PCNX2: variants seen among roughly 807,000 people sequenced by gnomAD.
PCNX2 encodes pecanex-like protein 2.
Under a neutral mutation model 223.8 loss-of-function variants are expected in PCNX2, and 168 were observed. The observed-to-expected ratio is 0.75, with a 90% confidence interval of 0.66 to 0.85. The LOEUF is 0.85. Among genes scored for constraint, PCNX2 ranks in the 40% least tolerant of loss-of-function variants. The pLI is 0.00. For missense variants in PCNX2, 2,507 were observed against 2,675.5 expected (o/e 0.94, Z 1.39); for synonymous variants, 1,006 against 1,052.6 (o/e 0.96, Z 0.86).
At position 233,167,926 on chromosome 1, in the gene PCNX2, G is replaced by T. The variant is rs575242190; in HGVS notation, c.3274-6563C>A. On this transcript the variant is annotated intron_variant, in intron 17 of 33. Coordinates refer to ENST00000258229, the MANE Select transcript of PCNX2 (RefSeq NM_014801.4). ...TTTTCAGGTAGGTATATTTTATTTTGATCTTAGTTTTGTAATATAAAAAGA... is the reference window on the plus strand; with the variant it reads ...TTTTCAGGTAGGTATATTTTATTTTTATCTTAGTTTTGTAATATAAAAAGA... 1.4e-5 allele frequency: 10 copies of T among 699,646 alleles called. No homozygotes were observed. The South Asian group carries it at 5.8e-4, about 41-fold the overall frequency. 43.3% of individuals were successfully genotyped at this position (699,646 alleles called of 1,614,324 possible). A position where few individuals can be genotyped will look rare whatever the true frequency, so the allele number is the denominator to read the frequency against.
intron 25 of PCNX2, chr1:233,032,034 A>C (rs1419543814): frequency 1.0e-6 from 1 of 982,862 alleles, no homozygotes; most frequent in African/African-American, 1.7e-5. Context: ...CTTGCTGTAC[A>C]TTAATAATAT....
intron 1 of PCNX2, among the ~76,000 whole-genome samples, chr1:233,267,906 A>G (rs1262002436): frequency 6.6e-6 from 1 of 151,968 alleles, no homozygotes; most frequent in East Asian, 1.9e-4. Context: ...GGATCACATG[A>G]TAATTCGATG....
At position 233,295,507 on chromosome 1, in the gene PCNX2, C is replaced by T. The variant is rs1027741391; in HGVS notation, c.-29G>A. 2.0e-6 allele frequency: 3 copies of T among 1,507,116 alleles called. No homozygotes were observed. The highest frequency in any genetic ancestry group is 1.3e-5 in the South Asian group (1 of 78,944). 93.4% of individuals were successfully genotyped at this position (1,507,116 alleles called of 1,614,324 possible). On this transcript the variant is annotated 5_prime_UTR_variant, in exon 1 of 34. Coordinates refer to ENST00000258229, the MANE Select transcript of PCNX2 (RefSeq NM_014801.4). The surrounding 1 kb of genome is among the most constrained non-coding windows in gnomAD (Gnocchi z 4.1). ...GGCTGCGCCCCGGGGCTGGTGAGCG[C>T]CCCGCTGCACCCTGCGCGCCCCGGC...
chr1:233,092,091 T>A (rs913395682), intron 22 of PCNX2, among the ~76,000 whole-genome samples: 1 of 152,120 alleles, frequency 6.6e-6, no homozygotes, highest in Non-Finnish European at 1.5e-5. Context: ...GGGAATTGCA[T>A]GCAAGATATC....
At chr1:233,190,985 G>A (rs1318284960) in intron 15 of PCNX2, among the ~76,000 whole-genome samples, 1 of 152,214 alleles carries the variant, frequency 6.6e-6, no homozygotes. Flanking sequence ...TGTCTGACAT[G>A]AAAATGGAGC....
chr1:233,309,643 TGAG>T, the PCNX2 span, among the ~76,000 whole-genome samples: 1 of 151,720 alleles, frequency 6.6e-6, no homozygotes. Flanking sequence ...TTTGGGAGGC[TGAG>T]GAGGGCGGAT....
At chr1:232,985,968 C>T (rs1669458162) in intron 33 of PCNX2, 124 bp downstream of exon 33, 1 of 1,068,490 alleles carries the variant, frequency 9.4e-7, no homozygotes, top group African/African-American at 1.6e-5. Flanking sequence ...TCTGGGAGCC[C>T]CATAGAGAAG....
At chr1:233,050,442 T>C (rs1671963412) in intron 25 of PCNX2, among the ~76,000 whole-genome samples, 1 of 151,254 alleles carries the variant, frequency 6.6e-6, no homozygotes, top group African/African-American at 2.4e-5. Flanking sequence ...ACTCTAAGCC[T>C]ATAGTAACCA....
chr1:233,198,839 C>T (rs756771298), intron 15 of PCNX2, 100 bp downstream of exon 15: 432 of 1,178,978 alleles, frequency 3.7e-4, no homozygotes, highest in Non-Finnish European at 4.7e-4. Flanking sequence ...TGCACAGATC[C>T]GATTTCTCTT....
intron 25 of PCNX2, among the ~76,000 whole-genome samples, chr1:233,038,523 C>T (rs1671534228): frequency 6.6e-6 from 1 of 152,148 alleles, no homozygotes; most frequent in Non-Finnish European, 1.5e-5. Flanking sequence ...AACATGGCTT[C>T]GTCTCTCCTA....
In PCNX2 at chr1:233,000,295, G is replaced by A; in HGVS notation, c.5328+10C>T. On this transcript the variant is annotated intron_variant, in intron 30 of 33. Transcript: ENST00000258229. The surrounding 1 kb of genome is among the most constrained non-coding windows in gnomAD (Gnocchi z 4.6). ...GCCAACAGGGGACCCAGAAAGTGTG[G>A]CCGCCATACCTTGATCACCTTGAAG... 2 of 1,613,338 alleles carry A rather than the reference G, an allele frequency of 1.2e-6. No homozygotes were observed. The highest frequency in any genetic ancestry group is 1.7e-6 in the Non-Finnish European group (2 of 1,179,440).
At chr1:233,149,786 T>C (rs1677685929) in intron 19 of PCNX2, among the ~76,000 whole-genome samples, 2 of 152,142 alleles carry the variant, frequency 1.3e-5, no homozygotes, top group African/African-American at 4.8e-5. Context: ...GATGAACCCA[T>C]GGTCCACCAT....
chr1:233,023,243 C>T (rs890640315), intron 26 of PCNX2, among the ~76,000 whole-genome samples: 1 of 152,192 alleles, frequency 6.6e-6, no homozygotes, highest in African/African-American at 2.4e-5. Flanking sequence ...ACAGAGATGG[C>T]TAGTTACCAT....
At chr1:233,006,932 A>T (rs1486232454) in intron 28 of PCNX2, among the ~76,000 whole-genome samples, 1 of 151,906 alleles carries the variant, frequency 6.6e-6, no homozygotes, top group Non-Finnish European at 1.5e-5. Context: ...CTCAGATAGC[A>T]TCTCCACCTT....
chr1:233,198,964 TGGAGCA>T lies in PCNX2; in HGVS notation c.3035_3040del (p.Leu1012_Leu1013del). On this transcript the variant is annotated inframe_deletion, in exon 15 of 34. Transcript: ENST00000258229. ...CTTCACTGCACTGAAGCAGACTGCG[TGGAGCA>T]GGGCGGCAGCCAAGACGCTCCGGGC... The T allele has an allele frequency of 6.2e-7, 1 of 1,606,342 alleles. No homozygotes were observed. The highest frequency in any genetic ancestry group is 1.3e-5 in the African/African-American group (1 of 74,906).
At chr1:233,172,408 G>A (rs1479264061) in intron 17 of PCNX2, 2 of 985,410 alleles carry the variant, frequency 2.0e-6, no homozygotes, top group Non-Finnish European at 2.4e-6. Flanking sequence ...GTTTGAACTT[G>A]TGCTGCAAAT....
At chr1:233,018,604 G>T (rs1334164819) in intron 26 of PCNX2, among the ~76,000 whole-genome samples, 1 of 152,178 alleles carries the variant, frequency 6.6e-6, no homozygotes, top group East Asian at 1.9e-4. Flanking sequence ...ATAGAAATGG[G>T]ACAGAGGAAA....
chr1:233,160,240 C>A (rs753855587), intron 19 of PCNX2, 43 bp downstream of exon 19: 2 of 1,537,216 alleles, frequency 1.3e-6, no homozygotes, highest in South Asian at 1.1e-5. Flanking sequence ...TGTATACCTA[C>A]CCCTCCTTTT....
intron 17 of PCNX2, among the ~76,000 whole-genome samples, chr1:233,165,946 AT>A (rs1290649615): frequency 1.2e-4 from 18 of 152,186 alleles, no homozygotes; most frequent in Admixed American, 1.2e-3. Flanking sequence ...AGGACATACA[AT>A]ACCTGGTTTC....
Sources: gnomAD v4.1 joint callset for allele counts (sites outside exome capture counted in the v4.1 genomes callset) on GRCh38, gnomAD v4.1.1 for gene constraint, Gnocchi (gnomAD v3.1) non-coding constraint, MANE v1.5 for transcripts, NCBI Gene and HGNC (gene_info 2026-07-23, HGNC 2026-07-21) for gene names.